The following CDH19 variants were observed in gnomAD, a reference collection of about 807,000 sequenced individuals.
CDH19 encodes cadherin 19, also known as cadherin-19.
In CDH19, 67 loss-of-function variants were observed where a neutral mutation model predicts 64.2. The ratio of observed to expected loss-of-function variants is 1.04; its 90% confidence interval spans 0.86 to 1.28. CDH19 has a LOEUF of 1.28. CDH19 is among the 50% of genes most tolerant of loss of function. The probability of loss-of-function intolerance (pLI) is 0.00; values close to 1 mark genes in which losing one functional copy is unlikely to be tolerated. For missense variants in CDH19, 1,030 were observed against 929.0 expected (o/e 1.11, Z -1.41); for synonymous variants, 346 against 319.3 (o/e 1.08, Z -0.89).
rs901887524 is a variant in CDH19 at position 66,519,376 on chromosome 18, G to A, written c.1459-7691C>T. Among the ~76,000 whole-genome samples, 7 of 152,294 alleles carry A rather than the reference G, an allele frequency of 4.6e-5. No homozygotes were observed. In the East Asian group the frequency reaches 1.4e-3, roughly 29 times the overall value. ...CTTTACAAAATCCTTAGAAGATAGA[G>A]ATTGTAGAGGAGAAGCTGTATTATT... On this transcript the variant is annotated intron_variant, in intron 9 of 11. Transcript: ENST00000262150.
chr18:66,572,015 C>T lies in CDH19; in HGVS notation c.190G>A (p.Gly64Ser), dbSNP rs1988118595. 3 of 1,604,830 alleles carry T rather than the reference C, an allele frequency of 1.9e-6. No individual in the cohort carries two copies. Among genetic ancestry groups the T allele is most frequent in the Non-Finnish European group, 2.6e-6 (3 of 1,173,372 alleles). ...EEMNTTSHHI[G>S]QLRSDLDNGN... is the part of the protein sequence containing the mutation. The stretch of plus-strand genomic sequence containing the variant: ...CATTTTAAATAAATAAGTACCTGGC[C>T]GATGTGATGACTAGTCGTATTCATT... Residue 64 changes from glycine to serine, a missense_variant, in exon 2 of 12, where the codon GGC becomes AGC. Gly to Ser is a moderately conservative substitution (Grantham distance 56). Transcript: ENST00000262150.
intron 8 of CDH19, chr18:66,532,638 C>A: frequency 4.7e-6 from 2 of 423,248 alleles, no homozygotes; most frequent in South Asian, 1.8e-5. Context: ...CTTTAGGATC[C>A]AGGATTGTAT....
Position 66,504,855 on chromosome 18 carries a change from C to A in CDH19, c.2276G>T (p.Arg759Ile). ...TGCAGAACCAAACATGCATGCTAAT[C>A]TTTTAAAGCGAGGTCCCAACTCATT... ...YLNELGPRFKRLACMFGSAVQ... is the reference protein window; with the variant it reads ...YLNELGPRFKILACMFGSAVQ... The change falls in exon 12 of 12, where the codon AGA (arginine) becomes ATA (isoleucine). Residue 759 changes from arginine to isoleucine, a missense_variant. Coordinates refer to ENST00000262150, the MANE Select transcript of CDH19 (RefSeq NM_021153.4). The A allele has an allele frequency of 6.2e-7, 1 of 1,609,636 alleles. No individual in the cohort carries two copies. Among genetic ancestry groups the A allele is most frequent in the Non-Finnish European group, 8.5e-7 (1 of 1,176,566 alleles).
At chr18:66,505,658 TA>T (rs1985164089) in intron 11 of CDH19, among the ~76,000 whole-genome samples, 2 of 150,392 alleles carry the variant, frequency 1.3e-5, no homozygotes, top group Non-Finnish European at 3.0e-5. Flanking sequence ...TAAAATAGAA[TA>T]AAGTAGAATA....
At chr18:66,525,609 G>A (rs572978558) in intron 9 of CDH19, among the ~76,000 whole-genome samples, 1 of 152,200 alleles carries the variant, frequency 6.6e-6, no homozygotes, top group South Asian at 2.1e-4. Flanking sequence ...GCTTGTGATA[G>A]CCATAATTCC....
chr18:66,599,007 A>G (rs563243572), intron 1 of CDH19, among the ~76,000 whole-genome samples: 14 of 152,304 alleles, frequency 9.2e-5, no homozygotes, highest in African/African-American at 2.4e-4. Flanking sequence ...ATTGTATAAT[A>G]TAAAATTGAA....
chr18:66,585,252 T>C (rs115808653), intron 1 of CDH19, among the ~76,000 whole-genome samples: 3,614 of 152,174 alleles, frequency 0.024, 140 homozygotes, highest in African/African-American at 0.082. Flanking sequence ...TATAAATTGA[T>C]TTTATATAAA....
chr18:66,527,679 G>A (rs1018608478), intron 9 of CDH19, among the ~76,000 whole-genome samples: 3 of 151,944 alleles, frequency 2.0e-5, no homozygotes, highest in Non-Finnish European at 4.4e-5. Context: ...GCTTGAACCC[G>A]AGACAGGGAG....
rs1009933244 is a variant in CDH19, at chr18:66,503,648, T to G, written c.*1164A>C. On this transcript the variant is annotated 3_prime_UTR_variant, in exon 12 of 12. Transcript: ENST00000262150. ...TATTGTATTTTGACATAAGAATGTGTTTTGAGTTGCATATGAAAAAAAATC... is the reference window on the plus strand; with the variant it reads ...TATTGTATTTTGACATAAGAATGTGGTTTGAGTTGCATATGAAAAAAAATC... The G allele has an allele frequency of 6.6e-6, 1 of 151,872 alleles. No homozygotes were observed. The allele number at this position is 151,872 out of a possible 1,614,324, so 9.4% of individuals were successfully genotyped here.
rs2144338453 is a variant in CDH19 at position 66,509,074 on chromosome 18, C to T, written c.1749G>A (p.Gln583=). Reference sequence around the variant, plus strand: ...CCATGGAAAGCACAAGCTCCTGGTACTGGCAGGTCTGTGTGCTCCCACTGT... The same window carrying T: ...CCATGGAAAGCACAAGCTCCTGGTATTGGCAGGTCTGTGTGCTCCCACTGT... ...CGDSGSTQTC[Q]YQELVLSMGF... The change falls in exon 11 of 12, where the codon CAG becomes CAA. Residue 583 remains glutamine, a synonymous_variant. Transcript: ENST00000262150. The T allele has an allele frequency of 1.2e-6, 2 of 1,612,708 alleles. No homozygotes were observed. The highest frequency in any genetic ancestry group is 1.7e-4 in the Middle Eastern group (1 of 6,052).
chr18:66,578,840 T>C (rs1321850153), intron 1 of CDH19, among the ~76,000 whole-genome samples: 1 of 151,968 alleles, frequency 6.6e-6, no homozygotes, highest in African/African-American at 2.4e-5. Context: ...GAACTACTGA[T>C]ACAGTAATAT....
chr18:66,530,759 A>G (rs1466762365), intron 8 of CDH19, among the ~76,000 whole-genome samples: 1 of 152,164 alleles, frequency 6.6e-6, no homozygotes, highest in Non-Finnish European at 1.5e-5. Flanking sequence ...AATATTTTAT[A>G]CTGGATAATT....
intron 11 of CDH19, among the ~76,000 whole-genome samples, chr18:66,507,262 T>C (rs1371094706): frequency 6.8e-6 from 1 of 147,354 alleles, no homozygotes; most frequent in African/African-American, 2.6e-5. Flanking sequence ...TGAAGCTAGG[T>C]CCTAAACAAT....
Position 66,511,639 on chromosome 18 carries a change from T to C in CDH19, c.1505A>G (p.Glu502Gly). Residue 502 changes from glutamate to glycine, a missense_variant, in exon 10 of 12, where the codon GAG (glutamate) becomes GGG (glycine). Physicochemically the swap from Glu to Gly is moderately conservative, Grantham distance 98. Transcript: ENST00000262150. ...SAVDRDESIE[E>G]HHFYFNLSVE... is the part of the protein sequence containing the mutation. ...AGATAGATTAAAGTAAAAATGGTGC[T>C]CTTCTATGGATTCATCTCTATCCAC... The C allele has an allele frequency of 6.3e-7, 1 of 1,580,806 alleles. No individual in the cohort carries two copies. The highest frequency in any genetic ancestry group is 8.7e-7 in the Non-Finnish European group (1 of 1,151,034).
chr18:66,590,021 G>T (rs544153357), intron 1 of CDH19, among the ~76,000 whole-genome samples: 63 of 152,002 alleles, frequency 4.1e-4, no homozygotes, highest in Non-Finnish European at 8.0e-4. Flanking sequence ...TATTGTGAAT[G>T]TGGAGAATAC....
At chr18:66,559,426 AT>A (rs1987638948) in intron 3 of CDH19, among the ~76,000 whole-genome samples, 2 of 151,784 alleles carry the variant, frequency 1.3e-5, no homozygotes, top group Admixed American at 6.6e-5. Context: ...TGTCACTATT[AT>A]TTTTTTCGGC....
chr18:66,514,140 A>G (rs969127923), intron 9 of CDH19, among the ~76,000 whole-genome samples: 1 of 151,504 alleles, frequency 6.6e-6, no homozygotes, highest in African/African-American at 2.4e-5. Context: ...TGTCTTAGGT[A>G]AGTAAATTGG....
At chr18:66,582,462 G>A (rs1283739511) in intron 1 of CDH19, among the ~76,000 whole-genome samples, 1 of 151,864 alleles carries the variant, frequency 6.6e-6, no homozygotes, top group Non-Finnish European at 1.5e-5. Flanking sequence ...AATGTGAGTG[G>A]ATACAGTTTG....
At position 66,504,744 on chromosome 18, in the gene CDH19, A is replaced by G; in HGVS notation, c.*68T>C. On this transcript the variant is annotated 3_prime_UTR_variant, in exon 12 of 12. Transcript: ENST00000262150. ...CCCCGCCATAGAGCCAGGGCACAAA[A>G]CTCTTTAAGACTACCATTGGGTTCG... 1 of 1,488,604 alleles carries G rather than the reference A, an allele frequency of 6.7e-7. No homozygotes were observed. The highest frequency in any genetic ancestry group is 9.0e-7 in the Non-Finnish European group (1 of 1,109,582). The allele number at this position is 1,488,604 out of a possible 1,614,324, so 92.2% of individuals were successfully genotyped here.
Sources: allele counts gnomAD v4.1 joint callset (sites outside exome capture counted in the v4.1 genomes callset), GRCh38; gene constraint gnomAD v4.1.1; transcripts MANE v1.5; gene names NCBI Gene and HGNC (gene_info 2026-07-23, HGNC 2026-07-21).